TERF1: variants seen among roughly 807,000 people sequenced by gnomAD.
TERF1 encodes the protein telomeric repeat binding factor 1.
TERF1 carries 20 observed loss-of-function variants against 55.1 expected under a neutral mutation model. That is an observed-to-expected ratio of 0.36 (90% CI 0.26 to 0.53). The LOEUF is 0.53. Ranked by LOEUF, TERF1 falls within the 20% of genes least tolerant of loss-of-function variation. The pLI is 0.91. For synonymous variants in TERF1, 168 were observed against 181.2 expected (o/e 0.93, Z 0.59); for missense variants, 439 against 535.7 (o/e 0.82, Z 1.78).
intron 8 of TERF1, among the ~76,000 whole-genome samples, chr8:73,037,730 TA>T (rs1809625441): frequency 1.1e-5 from 1 of 88,104 alleles, no homozygotes; most frequent in Non-Finnish European, 2.0e-5. Context: ...ATATATTATA[TA>T]GTATGAAATA....
intron 1 of TERF1, among the ~76,000 whole-genome samples, chr8:73,013,480 G>C (rs540966404): frequency 6.6e-6 from 1 of 152,204 alleles, no homozygotes; most frequent in Admixed American, 6.5e-5. Context: ...GTTTGGGGAG[G>C]TTAATATTAA....
intron 6 of TERF1, 21 bp downstream of exon 6, chr8:73,027,073 G>A (rs367857395): frequency 3.2e-6 from 5 of 1,555,722 alleles, no homozygotes; most frequent in Non-Finnish European, 4.4e-6. Flanking sequence ...TAATCAATTT[G>A]TATATTTTTT....
chr8:73,013,787 T>C (rs1808375862), intron 1 of TERF1, 108 bp from the exon 2 acceptor site: 2 of 642,210 alleles, frequency 3.1e-6, no homozygotes, highest in Non-Finnish European at 5.5e-6. Context: ...AACTCTAAAT[T>C]TATGATAATT....
At chr8:73,034,819 G>A (rs1424464948) in intron 8 of TERF1, among the ~76,000 whole-genome samples, 1 of 151,504 alleles carries the variant, frequency 6.6e-6, no homozygotes, top group Non-Finnish European at 1.5e-5. Context: ...AGATGAGGAA[G>A]CTGAGACTTA....
chr8:73,038,351 G>A (rs1161392775), intron 8 of TERF1, among the ~76,000 whole-genome samples: 1 of 151,890 alleles, frequency 6.6e-6, no homozygotes, highest in Non-Finnish European at 1.5e-5. Flanking sequence ...CTACTCAGGA[G>A]GCTGAGGTGA....
At position 73,047,848 on chromosome 8, in the gene TERF1, A is replaced by G. The variant is rs749133674; in HGVS notation, c.*1711A>G. On this transcript the variant is annotated 3_prime_UTR_variant, in exon 10 of 10. Transcript: ENST00000276603. Reference sequence around the variant, plus strand: ...GCCAAGGCTGGCATCATGAGCCAAAATAGACTTGTTAAGTCAACCTCATTC... The same window carrying G: ...GCCAAGGCTGGCATCATGAGCCAAAGTAGACTTGTTAAGTCAACCTCATTC... 6.6e-5 allele frequency: 10 copies of G among 152,224 alleles called. No homozygotes were observed. The highest frequency in any genetic ancestry group is 1.3e-4 in the Non-Finnish European group (9 of 68,034). 9.4% of individuals were successfully genotyped at this position (152,224 alleles called of 1,614,324 possible). A position where few individuals can be genotyped will look rare whatever the true frequency, so the allele number is the denominator to read the frequency against.
chr8:73,023,101 G>A (rs1477643461), intron 4 of TERF1, among the ~76,000 whole-genome samples: 3 of 152,140 alleles, frequency 2.0e-5, no homozygotes, highest in Non-Finnish European at 4.4e-5. Flanking sequence ...CAGTACAGGT[G>A]TAATTTTTTC....
At chr8:73,015,722 CTGG>C (rs1808475373) in intron 2 of TERF1, among the ~76,000 whole-genome samples, 1 of 152,068 alleles carries the variant, frequency 6.6e-6, no homozygotes, top group South Asian at 2.1e-4. Context: ...GTGTGGTCCT[CTGG>C]AGACTGAGGT....
In TERF1 at chr8:73,047,173, T is replaced by C. The variant is rs1296381047; in HGVS notation, c.*1036T>C. ...AACCTGCCCATGTGTTTCCTGAATC[T>C]AAAATAAAAATCGAAATAATTTTTT... On this transcript the variant is annotated 3_prime_UTR_variant, in exon 10 of 10. Coordinates refer to ENST00000276603, the MANE Select transcript of TERF1 (RefSeq NM_017489.3). The C allele has an allele frequency of 6.6e-6, 1 of 152,076 alleles. No individual in the cohort carries two copies. Among genetic ancestry groups the C allele is most frequent in the East Asian group, 1.9e-4 (1 of 5,182 alleles). 9.4% of individuals were successfully genotyped at this position (152,076 alleles called of 1,614,324 possible).
intron 4 of TERF1, among the ~76,000 whole-genome samples, chr8:73,024,325 AT>A (rs1808890547): frequency 6.6e-6 from 1 of 152,218 alleles, no homozygotes; most frequent in African/African-American, 2.4e-5. Context: ...GTTGAGTGAA[AT>A]ATAGCAAGTT....
chr8:73,027,799 A>T (rs1809080838), intron 6 of TERF1, among the ~76,000 whole-genome samples: 1 of 152,062 alleles, frequency 6.6e-6, no homozygotes, highest in Non-Finnish European at 1.5e-5. Flanking sequence ...TGGGACCATG[A>T]CCTAAGTGTT....
At chr8:73,012,497 G>A (rs1182354748) in intron 1 of TERF1, 8 of 155,096 alleles carry the variant, frequency 5.2e-5, no homozygotes, top group African/African-American at 7.2e-5. Context: ...GTGAAACCCC[G>A]TCTCTACTAA....
At chr8:73,024,788 A>G in intron 4 of TERF1, 34 bp from the exon 5 acceptor site, 1 of 1,461,498 alleles carries the variant, frequency 6.8e-7, no homozygotes, top group African/African-American at 1.4e-5. Flanking sequence ...ACTTTGTGTG[A>G]TTTATGTTAA....
intron 9 of TERF1, among the ~76,000 whole-genome samples, chr8:73,045,715 A>T (rs1157893863): frequency 6.6e-6 from 1 of 152,212 alleles, no homozygotes; most frequent in African/African-American, 2.4e-5. Context: ...GACATGTAGC[A>T]CTGCCACTTT....
At chr8:73,014,626 G>C (rs1339394063) in intron 2 of TERF1, among the ~76,000 whole-genome samples, 1 of 152,138 alleles carries the variant, frequency 6.6e-6, no homozygotes, top group Non-Finnish European at 1.5e-5. Flanking sequence ...AAGGCTATTT[G>C]ATGGAAATAA....
chr8:73,016,707 T>C (rs1361419275), intron 2 of TERF1, among the ~76,000 whole-genome samples: 1 of 152,176 alleles, frequency 6.6e-6, no homozygotes, highest in Admixed American at 6.5e-5. Flanking sequence ...GGAGACTTAA[T>C]GTGCCTTTCC....
chr8:73,037,873 T>TATATATAAATATGATATATA (rs1554557030), intron 8 of TERF1, among the ~76,000 whole-genome samples: 54 of 114,684 alleles, frequency 4.7e-4, no homozygotes, highest in South Asian at 1.3e-3. Flanking sequence ...TGATATATAA[T>TATATATAAATATGATATATA]ATATATAAAT....
chr8:73,015,000 G>C (rs1808437778), intron 2 of TERF1, among the ~76,000 whole-genome samples: 1 of 152,210 alleles, frequency 6.6e-6, no homozygotes, highest in Non-Finnish European at 1.5e-5. Context: ...TTGTTAACAG[G>C]GTTGTTTTCT....
intron 2 of TERF1, 121 bp downstream of exon 2, chr8:73,014,111 T>TG (rs1380603650): frequency 9.5e-5 from 68 of 712,778 alleles, no homozygotes; most frequent in East Asian, 6.6e-4. Context: ...CATAGGGGTG[T>TG]GGGGGGGTGG....
Sources: allele counts gnomAD v4.1 joint callset (sites outside exome capture counted in the v4.1 genomes callset), GRCh38; gene constraint gnomAD v4.1.1; transcripts MANE v1.5; gene names NCBI Gene and HGNC (gene_info 2026-07-23, HGNC 2026-07-21).